Variants in ADGRB3 observed in about 807,000 individuals in gnomAD.
The protein encoded by ADGRB3 is brain-specific angiogenesis inhibitor 3.
In ADGRB3, 37 loss-of-function variants were observed where a neutral mutation model predicts 193.4. The observed-to-expected ratio is 0.19, with a 90% CI of 0.15 to 0.25. ADGRB3 has a LOEUF of 0.25. ADGRB3 is among the 10% of genes least tolerant of loss of function. The pLI, the probability that ADGRB3 is intolerant of heterozygous loss-of-function variation, is 1.00. For missense variants in ADGRB3, 1,637 were observed against 1,852.9 expected, an observed-to-expected ratio of 0.88 and a Z score of 2.14; for synonymous variants, 690 against 644.2, an observed-to-expected ratio of 1.07 and a Z score of -1.08.
At chr6:69,304,034 CTT>C (rs1343730647) in intron 20 of ADGRB3, among the ~76,000 whole-genome samples, 3 of 151,726 alleles carry the variant, frequency 2.0e-5, no homozygotes, top group Non-Finnish European at 4.4e-5. Flanking sequence ...ATTTCTTTCT[CTT>C]TTTCTTCTTC....
intron 20 of ADGRB3, among the ~76,000 whole-genome samples, chr6:69,243,648 T>G (rs1326085761): frequency 1.3e-5 from 2 of 151,998 alleles, no homozygotes; most frequent in African/African-American, 4.8e-5. Flanking sequence ...TTCATTATAG[T>G]GATTAACCAG....
At chr6:68,930,710 T>G (rs765012549) in intron 4 of ADGRB3, 41 bp downstream of exon 4, 1 of 1,387,158 alleles carries the variant, frequency 7.2e-7, no homozygotes, top group Non-Finnish European at 1.0e-6. Flanking sequence ...TGTTGTTAAT[T>G]TAATGAAACC....
intron 20 of ADGRB3, among the ~76,000 whole-genome samples, chr6:69,302,964 G>T (rs1041795048): frequency 2.6e-5 from 4 of 151,936 alleles, no homozygotes; most frequent in Non-Finnish European, 5.9e-5. Flanking sequence ...TTTCAGAGCT[G>T]ATAGACACCA....
intron 13 of ADGRB3, among the ~76,000 whole-genome samples, chr6:69,038,772 T>A (rs1256539216): frequency 6.6e-6 from 1 of 152,138 alleles, no homozygotes; most frequent in East Asian, 1.9e-4. Flanking sequence ...AACTAAGAAG[T>A]CTTAAATGAT....
intron 3 of ADGRB3, among the ~76,000 whole-genome samples, chr6:68,867,889 G>A (rs916284046): frequency 1.9e-4 from 29 of 152,150 alleles, no homozygotes; most frequent in African/African-American, 2.9e-4. Context: ...TTTACCCAGC[G>A]CCTGTACTCC....
intron 3 of ADGRB3, among the ~76,000 whole-genome samples, chr6:68,668,882 A>G (rs575573092): frequency 1.8e-4 from 28 of 151,998 alleles, no homozygotes; most frequent in African/African-American, 6.5e-4. Flanking sequence ...GACTCCCCCA[A>G]AGTTGATCAG....
intron 3 of ADGRB3, among the ~76,000 whole-genome samples, chr6:68,813,598 C>T (rs1344974759): frequency 1.3e-5 from 2 of 151,232 alleles, no homozygotes; most frequent in African/African-American, 4.9e-5. Flanking sequence ...GGTACATGTG[C>T]ACAACGTGCA....
chr6:68,788,285 G>C (rs1261945714), intron 3 of ADGRB3, among the ~76,000 whole-genome samples: 2 of 151,766 alleles, frequency 1.3e-5, no homozygotes, highest in Non-Finnish European at 2.9e-5. Flanking sequence ...TTCTCTTGTG[G>C]GCATTTAGTG....
intron 3 of ADGRB3, among the ~76,000 whole-genome samples, chr6:68,753,103 A>G (rs1179355401): frequency 6.6e-6 from 1 of 152,214 alleles, no homozygotes; most frequent in Non-Finnish European, 1.5e-5. Context: ...AAGAGCTGCT[A>G]TGGAAAAGGT....
chr6:69,271,941 A>G (rs1271172534), intron 20 of ADGRB3, among the ~76,000 whole-genome samples: 1 of 152,228 alleles, frequency 6.6e-6, no homozygotes, highest in Non-Finnish European at 1.5e-5. Context: ...GTAGAAAGGT[A>G]CCATTTCTTA....
chr6:69,302,475 G>C (rs780931564), intron 20 of ADGRB3, among the ~76,000 whole-genome samples: 1 of 151,796 alleles, frequency 6.6e-6, no homozygotes, highest in Non-Finnish European at 1.5e-5. Context: ...TCCTGATATT[G>C]AACAATGAAC....
intron 30 of ADGRB3, among the ~76,000 whole-genome samples, chr6:69,375,650 G>A (rs368599294): frequency 2.6e-5 from 4 of 152,026 alleles, no homozygotes; most frequent in East Asian, 1.9e-4. Flanking sequence ...GTCTTGTGTC[G>A]AGATTTGGGC....
At chr6:68,807,187 T>C (rs1323822866) in intron 3 of ADGRB3, among the ~76,000 whole-genome samples, 2 of 151,858 alleles carry the variant, frequency 1.3e-5, no homozygotes, top group Non-Finnish European at 2.9e-5. Flanking sequence ...ATTCCTTCTA[T>C]ATCACATTAA....
chr6:69,239,988 G>A (rs531232676), intron 20 of ADGRB3, among the ~76,000 whole-genome samples: 1 of 151,998 alleles, frequency 6.6e-6, no homozygotes, highest in Non-Finnish European at 1.5e-5. Context: ...ATGCCTGCAG[G>A]CCTGTTATTT....
At chr6:69,004,524 A>G (rs1769685190) in intron 11 of ADGRB3, among the ~76,000 whole-genome samples, 1 of 149,204 alleles carries the variant, frequency 6.7e-6, no homozygotes, top group Admixed American at 6.7e-5. Context: ...TTAACTAGTC[A>G]TTTACATTAG....
At chr6:69,108,147 T>G (rs1773265313) in intron 17 of ADGRB3, among the ~76,000 whole-genome samples, 1 of 152,152 alleles carries the variant, frequency 6.6e-6, no homozygotes, top group South Asian at 2.1e-4. Flanking sequence ...ACAGAAACTA[T>G]TCAGTCTTTT....
chr6:68,942,637 G>T (rs1430530004), intron 5 of ADGRB3, among the ~76,000 whole-genome samples: 3 of 151,970 alleles, frequency 2.0e-5, no homozygotes, highest in Non-Finnish European at 4.4e-5. Context: ...GGAAGATGGA[G>T]TCTTGCTGTG....
In ADGRB3 at chr6:69,331,115, C is replaced by A. The variant is rs935076418; in HGVS notation, c.3102+543C>A. On this transcript the variant is annotated intron_variant, in intron 23 of 31. Coordinates refer to ENST00000370598, the MANE Select transcript of ADGRB3 (RefSeq NM_001704.3). ...TACCTACTACATACCAGTAGTACCC[C>A]CTAGTCATAACACTCAAAAACATCT... 4.6e-5 allele frequency among the ~76,000 whole-genome samples: 7 copies of A among 152,206 alleles called. No homozygotes were observed. In the South Asian group the frequency reaches 1.5e-3, roughly 32 times the overall value.
At chr6:69,063,969 C>A (rs990756652) in intron 16 of ADGRB3, among the ~76,000 whole-genome samples, 15 of 151,478 alleles carry the variant, frequency 9.9e-5, no homozygotes, top group Admixed American at 7.3e-4. Flanking sequence ...ATGAAGTTGA[C>A]CTTTCTTTAC....
Sources: allele counts gnomAD v4.1 joint callset (sites outside exome capture counted in the v4.1 genomes callset), GRCh38; gene constraint gnomAD v4.1.1; transcripts MANE v1.5; gene names NCBI Gene and HGNC (gene_info 2026-07-23, HGNC 2026-07-21).